Variants in MBNL1 observed in about 807,000 individuals in gnomAD.
The protein encoded by MBNL1 is muscleblind like splicing regulator 1, also known as muscleblind-like protein 1.
Under a neutral mutation model 42.2 loss-of-function variants are expected in MBNL1, and 8 were observed. The ratio of observed to expected loss-of-function variants is 0.19; its 90% confidence interval spans 0.11 to 0.34. The LOEUF is 0.34. Among genes scored for constraint, MBNL1 ranks in the 10% least tolerant of loss-of-function variants. The probability of loss-of-function intolerance (pLI) is 1.00; values close to 1 mark genes in which losing one functional copy is unlikely to be tolerated. For missense variants in MBNL1, 309 were observed against 495.3 expected, an observed-to-expected ratio of 0.62 and a Z score of 3.57; for synonymous variants, 169 against 173.9, an observed-to-expected ratio of 0.97 and a Z score of 0.22.
chr3:152,379,999 AATTAAT>A (rs2097111948), intron 2 of MBNL1, among the ~76,000 whole-genome samples: 2 of 152,112 alleles, frequency 1.3e-5, no homozygotes, highest in Non-Finnish European at 2.9e-5. Context: ...AGCCCAGATA[AATTAAT>A]ATTAATTCTA....
At chr3:152,275,233 T>C (rs2044262764) in intron 1 of MBNL1, among the ~76,000 whole-genome samples, 1 of 152,138 alleles carries the variant, frequency 6.6e-6, no homozygotes, top group Admixed American at 6.5e-5. Context: ...GACATAGGGC[T>C]TTCTGTGGGT....
chr3:152,351,360 T>TG (rs995902122), intron 2 of MBNL1, among the ~76,000 whole-genome samples: 83 of 152,326 alleles, frequency 5.4e-4, no homozygotes, highest in Admixed American at 1.2e-3. Flanking sequence ...TTAGAATAGT[T>TG]GGATTGCATT....
intron 1 of MBNL1, among the ~76,000 whole-genome samples, chr3:152,297,344 GTTTTT>G (rs1201662855): frequency 8.0e-6 from 1 of 124,372 alleles, no homozygotes; most frequent in Admixed American, 8.2e-5. Flanking sequence ...TGGGGATGAG[GTTTTT>G]TTTTTTTTTT....
At chr3:152,447,881 T>A (rs1713248842) in intron 6 of MBNL1, 108 bp downstream of exon 6, 1 of 970,866 alleles carries the variant, frequency 1.0e-6, no homozygotes, top group Non-Finnish European at 1.5e-6. Context: ...AGATGAGGTG[T>A]CAGGTAAGGT....
chr3:152,455,079 G>A (rs1262329139), intron 6 of MBNL1, among the ~76,000 whole-genome samples: 1 of 151,782 alleles, frequency 6.6e-6, no homozygotes, highest in Admixed American at 6.6e-5. Flanking sequence ...AGTCAGTTTT[G>A]TACATTGAAT....
chr3:152,382,952 T>C (rs556484620), intron 2 of MBNL1, among the ~76,000 whole-genome samples: 180 of 152,118 alleles, frequency 1.2e-3, no homozygotes, highest in South Asian at 4.6e-3. Flanking sequence ...ACTTGAGAGG[T>C]AGTGAGATTT....
chr3:152,400,147 G>A (rs972928703), intron 2 of MBNL1, among the ~76,000 whole-genome samples: 3 of 152,188 alleles, frequency 2.0e-5, no homozygotes, highest in African/African-American at 7.2e-5. Context: ...ACATATTATT[G>A]TGAGAGTTAA....
intron 3 of MBNL1, among the ~76,000 whole-genome samples, chr3:152,422,831 C>T (rs1042344909): frequency 6.6e-6 from 1 of 152,170 alleles, no homozygotes; most frequent in South Asian, 2.1e-4. Context: ...ACTGAACAAC[C>T]TGCTCCTGAA....
intron 2 of MBNL1, among the ~76,000 whole-genome samples, chr3:152,311,765 C>T (rs1157073051): frequency 2.0e-5 from 3 of 151,782 alleles, no homozygotes; most frequent in Non-Finnish European, 4.4e-5. Context: ...ATATAAGAAT[C>T]GTTGATTCTA....
intron 2 of MBNL1, among the ~76,000 whole-genome samples, chr3:152,363,124 G>T (rs554206018): frequency 7.9e-5 from 12 of 152,238 alleles, no homozygotes; most frequent in Non-Finnish European, 1.3e-4. Flanking sequence ...AACATCATCA[G>T]AAGATTATCT....
At chr3:152,450,899 A>C (rs1036392251) in intron 6 of MBNL1, among the ~76,000 whole-genome samples, 1 of 152,242 alleles carries the variant, frequency 6.6e-6, no homozygotes, top group African/African-American at 2.4e-5. Flanking sequence ...GAACTAAAGG[A>C]AATTCATCTT....
At chr3:152,334,095 T>C (rs565196374) in intron 2 of MBNL1, among the ~76,000 whole-genome samples, 2 of 152,318 alleles carry the variant, frequency 1.3e-5, no homozygotes, top group African/African-American at 4.8e-5. Flanking sequence ...TGTTAGCTAT[T>C]GTTTTATTAA....
At chr3:152,422,930 T>G (rs903753937) in intron 3 of MBNL1, among the ~76,000 whole-genome samples, 16 of 152,154 alleles carry the variant, frequency 1.1e-4, no homozygotes, top group African/African-American at 3.6e-4. Flanking sequence ...CCAGAATCTC[T>G]GGGACACAGC....
chr3:152,455,650 A>AG, intron 7 of MBNL1, 73 bp downstream of exon 7: 1 of 1,320,542 alleles, frequency 7.6e-7, no homozygotes, highest in Admixed American at 1.7e-5. Flanking sequence ...ATCCACTGCT[A>AG]AGTTTAACTT....
At chr3:152,458,316 A>G (rs1737892034) in intron 8 of MBNL1, 1 of 779,816 alleles carries the variant, frequency 1.3e-6, no homozygotes, top group African/African-American at 1.7e-5. Flanking sequence ...TACACGCCAG[A>G]CTGTGGATTG....
chr3:152,376,280 CTT>C (rs932143226), intron 2 of MBNL1, among the ~76,000 whole-genome samples: 1 of 152,096 alleles, frequency 6.6e-6, no homozygotes, highest in Non-Finnish European at 1.5e-5. Context: ...ATTTTGTTAA[CTT>C]TTTCGGATTA....
At chr3:152,377,345 CATA>C (rs1226834518) in intron 2 of MBNL1, among the ~76,000 whole-genome samples, 3 of 152,186 alleles carry the variant, frequency 2.0e-5, no homozygotes, top group Admixed American at 2.0e-4. Context: ...ACCTGTAGAT[CATA>C]TAGAAGTCGT....
intron 2 of MBNL1, among the ~76,000 whole-genome samples, chr3:152,409,682 CTT>C (rs2098520246): frequency 6.6e-6 from 1 of 152,150 alleles, no homozygotes; most frequent in Non-Finnish European, 1.5e-5. Flanking sequence ...TTTGAAAAGA[CTT>C]ATGAATATAA....
rs191348890 is a variant in MBNL1, at chr3:152,247,817, C to G, written n.333+3377C>G. On this transcript the variant is annotated intron_variant and non_coding_transcript_variant, in intron 2 of 2. Transcript: ENST00000477171. ...CTTTTAATATTATGGGGGAAAATACCAGATTTGCATATTTAAATCCAAATT... is the reference window on the plus strand; with the variant it reads ...CTTTTAATATTATGGGGGAAAATACGAGATTTGCATATTTAAATCCAAATT... 4.0e-5 allele frequency among the ~76,000 whole-genome samples: 6 copies of G among 151,222 alleles called. No individual in the cohort carries two copies. The East Asian group carries it at 1.2e-3, about 29-fold the overall frequency.
Sources: allele counts gnomAD v4.1 joint callset (sites outside exome capture counted in the v4.1 genomes callset), GRCh38; gene constraint gnomAD v4.1.1; transcripts MANE v1.5; gene names NCBI Gene and HGNC (gene_info 2026-07-23, HGNC 2026-07-21).